Variants in ARHGEF6 observed in about 807,000 individuals in gnomAD.
The protein encoded by ARHGEF6 is Rac/Cdc42 guanine nucleotide exchange factor 6.
In ARHGEF6, 9 loss-of-function variants were observed where a neutral mutation model predicts 70.3. The ratio of observed to expected loss-of-function variants is 0.13; its 90% CI spans 0.08 to 0.22. The LOEUF is 0.22. ARHGEF6 is among the 10% of genes least tolerant of loss of function. ARHGEF6 has a pLI of 1.00. For synonymous variants in ARHGEF6, 201 were observed against 207.8 expected, an observed-to-expected ratio of 0.97 and a Z score of 0.28; for missense variants, 470 against 563.0, an observed-to-expected ratio of 0.83 and a Z score of 1.67.
chrX:136,678,141 G>A lies in ARHGEF6; in HGVS notation c.1831-185C>T, dbSNP rs761602911. Among the ~76,000 whole-genome samples the A allele has an allele frequency of 1.4e-4, 16 of 111,628 alleles. No individual in the cohort carries two copies. The South Asian group carries it at 5.6e-3, about 39-fold the overall frequency. On this transcript the variant is annotated intron_variant, in intron 16 of 21. Coordinates refer to ENST00000250617, the MANE Select transcript of ARHGEF6 (RefSeq NM_004840.3). The stretch of plus-strand genomic sequence containing the variant: ...ATGCAATATTATCATGCAAAAGCCC[G>A]AGGAATACAGTTCTGTGCAGAATAA...
intron 5 of ARHGEF6, among the ~76,000 whole-genome samples, chrX:136,732,989 T>C (rs1429820513): frequency 9.0e-6 from 1 of 111,714 alleles, no homozygotes; most frequent in Non-Finnish European, 1.9e-5. Context: ...CAATGAAAAC[T>C]AGCAGGAAAT....
intron 5 of ARHGEF6, chrX:136,737,512 C>A (rs2076998712): frequency 1.4e-5 from 10 of 739,649 alleles, no homozygotes; most frequent in Non-Finnish European, 1.6e-5. Context: ...TTTTCAAACT[C>A]CTTAAAGACA....
At chrX:136,707,054 C>A (rs1415826415) in intron 8 of ARHGEF6, 24 bp from the exon 9 acceptor site, 5 of 1,208,614 alleles carry the variant, frequency 4.1e-6, no homozygotes, top group Non-Finnish European at 5.6e-6. Flanking sequence ...GGACAAAACA[C>A]AGAATGTAAA....
intron 6 of ARHGEF6, among the ~76,000 whole-genome samples, chrX:136,722,698 C>A (rs1661389318): frequency 8.9e-6 from 1 of 112,220 alleles, no homozygotes; most frequent in South Asian, 3.7e-4. Context: ...GAAACTCTTA[C>A]AATTGCTGGT....
At position 136,687,921 on chromosome X, in the gene ARHGEF6, G is replaced by A; in HGVS notation, c.1245+11C>T. 8.4e-7 allele frequency: 1 copy of A among 1,192,928 alleles called. No individual in the cohort carries two copies. The highest frequency in any genetic ancestry group is 1.1e-6 in the Non-Finnish European group (1 of 878,189). On this transcript the variant is annotated intron_variant, in intron 11 of 21. Coordinates refer to ENST00000250617, the MANE Select transcript of ARHGEF6 (RefSeq NM_004840.3). ...CAAAATGGAGAATTGTGATTTTAAA[G>A]CATCACCTACCATGAGAGTTTTGAA...
At chrX:136,702,394 TA>T (rs1465232187) in intron 9 of ARHGEF6, among the ~76,000 whole-genome samples, 1 of 112,369 alleles carries the variant, frequency 8.9e-6, no homozygotes, top group African/African-American at 3.2e-5. Context: ...TCCAAATATA[TA>T]AATAATCACT....
intron 6 of ARHGEF6, among the ~76,000 whole-genome samples, chrX:136,714,867 G>A (rs1346501139): frequency 1.8e-5 from 2 of 111,669 alleles, no homozygotes; most frequent in African/African-American, 6.5e-5. Flanking sequence ...GTGACACACT[G>A]TACAGATAGG....
intron 2 of ARHGEF6, among the ~76,000 whole-genome samples, chrX:136,772,412 T>G (rs1010283896): frequency 8.9e-6 from 1 of 112,436 alleles, no homozygotes; most frequent in African/African-American, 3.2e-5. Context: ...TTGAATTGTT[T>G]GTAACACAAA....
intron 6 of ARHGEF6, among the ~76,000 whole-genome samples, chrX:136,729,648 A>G (rs1053365526): frequency 9.3e-6 from 1 of 106,970 alleles, no homozygotes; most frequent in Non-Finnish European, 1.9e-5. Flanking sequence ...TGGCCAATAT[A>G]GTGAAACCCT....
chrX:136,731,880 G>A (rs2076938697), intron 6 of ARHGEF6, among the ~76,000 whole-genome samples: 1 of 111,995 alleles, frequency 8.9e-6, no homozygotes, highest in South Asian at 3.7e-4. Flanking sequence ...CTGTGAATCC[G>A]TGCTACCTTT....
intron 5 of ARHGEF6, among the ~76,000 whole-genome samples, chrX:136,734,381 C>A (rs1377687606): frequency 8.9e-6 from 1 of 111,925 alleles, no homozygotes; most frequent in South Asian, 3.7e-4. Context: ...CAACTCTACA[C>A]ACATAAATTT....
chrX:136,779,989 G>A (rs1480838644), intron 1 of ARHGEF6, among the ~76,000 whole-genome samples: 1 of 111,681 alleles, frequency 9.0e-6, no homozygotes, highest in East Asian at 2.8e-4. Flanking sequence ...ATACAAACTG[G>A]CTCATGAAGG....
chrX:136,760,316 G>A (rs2077252780), intron 2 of ARHGEF6, among the ~76,000 whole-genome samples: 1 of 112,410 alleles, frequency 8.9e-6, no homozygotes, highest in African/African-American at 3.2e-5. Context: ...ATGCTGTGCT[G>A]GCAACATCAC....
In ARHGEF6 at chrX:136,699,842, C is replaced by T. The variant is rs1005373626; in HGVS notation, c.1046+7066G>A. Among the ~76,000 whole-genome samples, 15 of 111,188 alleles carry T rather than the reference C, an allele frequency of 1.3e-4. No individual in the cohort carries two copies. The Admixed American group carries it at 1.4e-3, about 11-fold the overall frequency. On this transcript the variant is annotated intron_variant, in intron 9 of 21. Transcript: ENST00000250617. ...AGTGAAGATCAGAGAAAAATCCTCTCATGTTTTGGGATAGGAGTGGGGGCG... is the reference window on the plus strand; with the variant it reads ...AGTGAAGATCAGAGAAAAATCCTCTTATGTTTTGGGATAGGAGTGGGGGCG...
intron 9 of ARHGEF6, among the ~76,000 whole-genome samples, chrX:136,705,912 T>C (rs949981655): frequency 8.9e-6 from 1 of 112,479 alleles, no homozygotes; most frequent in Non-Finnish European, 1.9e-5. Flanking sequence ...TCAACTAATG[T>C]TCTAGCCTAG....
intron 6 of ARHGEF6, among the ~76,000 whole-genome samples, chrX:136,722,615 C>T (rs1274362017): frequency 9.0e-6 from 1 of 111,649 alleles, no homozygotes; most frequent in African/African-American, 3.3e-5. Context: ...CTACTTGATA[C>T]TCAATAGGGT....
At chrX:136,682,294 T>C (rs138006932) in intron 13 of ARHGEF6, among the ~76,000 whole-genome samples, 3 of 112,362 alleles carry the variant, frequency 2.7e-5, no homozygotes, top group Non-Finnish European at 3.8e-5. Context: ...CAGGCCAAGA[T>C]GGAACAGGCA....
Position 136,690,669 on chromosome X carries a change from G to A in ARHGEF6, c.1126C>T (p.Pro376Ser). Residue 376 changes from proline to serine, a missense_variant, in exon 10 of 22, where the codon CCA (proline) becomes TCA (serine). Pro to Ser is a moderately conservative substitution (Grantham distance 74). Around this residue, in one of 3 missense-constraint regions of ARHGEF6, gnomAD observed 379 missense variants for 449.3 expected, o/e 0.84. Transcript: ENST00000250617. ...ILILTTNLSK[P>S]FMRLEKYVTL... ...ACATATTTCTCCAGTCGCATGAATG[G>A]TTTGCTGAGGTTTGTTGTTAAAATG... 8.3e-7 allele frequency: 1 copy of A among 1,210,070 alleles called. No homozygotes were observed.
At chrX:136,674,740 T>C (rs192841177) in intron 19 of ARHGEF6, among the ~76,000 whole-genome samples, 64 of 111,435 alleles carry the variant, frequency 5.7e-4, no homozygotes, top group African/African-American at 1.9e-3. Flanking sequence ...AGAACAACTT[T>C]AAAAAAAAAT....
Sources: allele counts gnomAD v4.1 joint callset (sites outside exome capture counted in the v4.1 genomes callset), GRCh38; gene constraint gnomAD v4.1.1; regional missense constraint gnomAD v4.1.1; transcripts MANE v1.5; gene names NCBI Gene and HGNC (gene_info 2026-07-23, HGNC 2026-07-21).